FER1L6: variants seen among roughly 807,000 people sequenced by gnomAD.
The protein encoded by FER1L6 is fer-1 like family member 6.
FER1L6 carries 177 observed loss-of-function variants against 219.2 expected under a neutral mutation model. That is an observed-to-expected ratio of 0.81 (90% CI 0.71 to 0.91). FER1L6 has a LOEUF of 0.91. Ranked by LOEUF, FER1L6 falls within the 40% of genes least tolerant of loss-of-function variation. FER1L6 has a pLI of 0.00. For missense variants in FER1L6, 2,153 were observed against 2,259.9 expected, an observed-to-expected ratio of 0.95 and a Z score of 0.96; for synonymous variants, 768 against 824.3, an observed-to-expected ratio of 0.93 and a Z score of 1.17.
At chr8:123,955,486 G>T (rs1318179942) in intron 1 of FER1L6, among the ~76,000 whole-genome samples, 1 of 152,186 alleles carries the variant, frequency 6.6e-6, no homozygotes, top group Non-Finnish European at 1.5e-5. Flanking sequence ...GAATGGACAG[G>T]CTCTGGCTGC....
At chr8:123,952,622 T>C (rs1814822489) in intron 1 of FER1L6, among the ~76,000 whole-genome samples, 1 of 152,156 alleles carries the variant, frequency 6.6e-6, no homozygotes, top group African/African-American at 2.4e-5. Context: ...GTTGGGGATG[T>C]GGTGGCAGCT....
intron 33 of FER1L6, among the ~76,000 whole-genome samples, chr8:124,090,214 CTCTT>C (rs1234396471): frequency 6.6e-6 from 1 of 152,206 alleles, no homozygotes; most frequent in East Asian, 1.9e-4. Context: ...CATACAGTCT[CTCTT>C]TCTGGTCTAT....
chr8:123,941,985 G>A (rs1189638313), intron 1 of FER1L6, among the ~76,000 whole-genome samples: 1 of 152,034 alleles, frequency 6.6e-6, no homozygotes, highest in East Asian at 1.9e-4. Context: ...CTTTGATTCC[G>A]AGTGGAATCA....
intron 1 of FER1L6, among the ~76,000 whole-genome samples, chr8:123,943,053 T>C (rs902803092): frequency 2.6e-4 from 39 of 152,202 alleles, no homozygotes; most frequent in African/African-American, 9.4e-4. Context: ...TACCAATCTC[T>C]CTGTGGCTCA....
At chr8:123,866,002 T>C (rs989545655) in intron 1 of FER1L6, among the ~76,000 whole-genome samples, 2 of 146,266 alleles carry the variant, frequency 1.4e-5, no homozygotes, top group Admixed American at 1.4e-4. Context: ...TCTTGGCTCC[T>C]CCCCCCCACA....
intron 39 of FER1L6, among the ~76,000 whole-genome samples, chr8:124,117,052 G>T (rs763566849): frequency 6.6e-6 from 1 of 152,168 alleles, no homozygotes; most frequent in Non-Finnish European, 1.5e-5. Flanking sequence ...AGCTAGGCAG[G>T]CTCTTAAAAA....
intron 1 of FER1L6, among the ~76,000 whole-genome samples, chr8:123,936,460 C>CTTTTTT (rs1319403886): frequency 1.1e-5 from 1 of 88,008 alleles, no homozygotes; most frequent in African/African-American, 4.9e-5. Flanking sequence ...TAATTGCAGC[C>CTTTTTT]TGTTTTTTTT....
intron 1 of FER1L6, among the ~76,000 whole-genome samples, chr8:123,876,263 A>G (rs887186943): frequency 6.6e-6 from 1 of 151,242 alleles, no homozygotes; most frequent in African/African-American, 2.4e-5. Context: ...AGATATTTTC[A>G]TCCTTTCCTG....
intron 10 of FER1L6, among the ~76,000 whole-genome samples, chr8:123,979,315 G>A (rs928317353): frequency 4.6e-5 from 7 of 152,110 alleles, no homozygotes; most frequent in African/African-American, 1.4e-4. Context: ...TCTACTGAGC[G>A]GAAATTCTTT....
At chr8:124,000,346 G>C (rs1265494435) in intron 12 of FER1L6, among the ~76,000 whole-genome samples, 2 of 152,186 alleles carry the variant, frequency 1.3e-5, no homozygotes, top group South Asian at 2.1e-4. Flanking sequence ...CAGGTACTGT[G>C]ATCACTCACC....
intron 1 of FER1L6, among the ~76,000 whole-genome samples, chr8:123,895,990 A>G (rs1247654359): frequency 5.3e-5 from 8 of 152,216 alleles, no homozygotes; most frequent in African/African-American, 1.9e-4. Context: ...GATACCATGC[A>G]TAGCCCAGGC....
In FER1L6 at chr8:123,852,053, A is replaced by G. The variant is rs575020155; in HGVS notation, c.-140A>G. The G allele has an allele frequency of 5.3e-5, 8 of 152,326 alleles. No individual in the cohort carries two copies. The highest frequency in any genetic ancestry group is 1.7e-4 in the African/African-American group (7 of 41,572). 9.4% of individuals were successfully genotyped at this position (152,326 alleles called of 1,614,324 possible). ...CATTCCGTCAAGCCAGCTGCTTTAG[A>G]ACGGTTGGGAACACCGTGAGACCAG... On this transcript the variant is annotated 5_prime_UTR_variant, in exon 1 of 41. Transcript: ENST00000522917. The surrounding 1 kb of genome is among the most constrained non-coding windows in gnomAD (Gnocchi z 4.9).
intron 22 of FER1L6, among the ~76,000 whole-genome samples, chr8:124,052,968 G>A (rs377155407): frequency 1.3e-5 from 2 of 152,284 alleles, no homozygotes; most frequent in East Asian, 3.9e-4. Context: ...TAAAAAAAAT[G>A]GTTGTGGGAT....
At chr8:123,955,387 G>A (rs1025357416) in intron 1 of FER1L6, among the ~76,000 whole-genome samples, 4 of 152,232 alleles carry the variant, frequency 2.6e-5, no homozygotes, top group Non-Finnish European at 5.9e-5. Flanking sequence ...TGAGCTGTGC[G>A]CTTATGGTGA....
intron 1 of FER1L6, among the ~76,000 whole-genome samples, chr8:123,885,160 C>T (rs1317148251): frequency 6.6e-6 from 1 of 152,100 alleles, no homozygotes; most frequent in Non-Finnish European, 1.5e-5. Context: ...AAACACAGCC[C>T]TCCCAGCACC....
chr8:123,967,030 C>T (rs1053165171), intron 5 of FER1L6, among the ~76,000 whole-genome samples: 4 of 147,410 alleles, frequency 2.7e-5, no homozygotes, highest in Non-Finnish European at 4.4e-5. Context: ...TTCAGTGAGC[C>T]GAGATCGTGC....
chr8:123,906,859 C>G (rs747677552), intron 1 of FER1L6, among the ~76,000 whole-genome samples: 6 of 152,086 alleles, frequency 3.9e-5, no homozygotes, highest in Non-Finnish European at 7.4e-5. Flanking sequence ...TTTAACCCCC[C>G]CTTTAAAGAA....
intron 10 of FER1L6, 88 bp downstream of exon 10, chr8:123,977,697 G>C: frequency 3.3e-6 from 4 of 1,202,522 alleles, no homozygotes; most frequent in Non-Finnish European, 4.7e-6. Flanking sequence ...TAGAGCAGCA[G>C]TCCCCAGCCT....
intron 1 of FER1L6, among the ~76,000 whole-genome samples, chr8:123,935,777 A>G (rs1813962855): frequency 6.6e-6 from 1 of 152,160 alleles, no homozygotes; most frequent in African/African-American, 2.4e-5. Flanking sequence ...ACTCTGCTTC[A>G]TGAGCAATAT....
Sources: gnomAD v4.1 joint callset for allele counts (sites outside exome capture counted in the v4.1 genomes callset) on GRCh38, gnomAD v4.1.1 for gene constraint, Gnocchi (gnomAD v3.1) non-coding constraint, MANE v1.5 for transcripts, NCBI Gene and HGNC (gene_info 2026-07-23, HGNC 2026-07-21) for gene names.